Variants in MTFR2 observed in about 807,000 individuals in gnomAD.
The protein encoded by MTFR2 is mitochondrial fission regulator 2, also known as DUF729 domain-containing protein 1.
In MTFR2, 44 loss-of-function variants were observed where a neutral mutation model predicts 41.2. The observed-to-expected ratio is 1.07, with a 90% confidence interval of 0.84 to 1.37. MTFR2 has a LOEUF of 1.37. Among genes scored for constraint, MTFR2 ranks in the 40% most tolerant of loss-of-function variants. MTFR2 has a pLI of 0.00. For synonymous variants in MTFR2, 141 were observed against 154.6 expected, an observed-to-expected ratio of 0.91 and a Z score of 0.65; for missense variants, 452 against 459.5, an observed-to-expected ratio of 0.98 and a Z score of 0.15.
intron 6 of MTFR2, 77 bp downstream of exon 6, chr6:136,239,389 T>C (rs1779987738): frequency 8.8e-7 from 1 of 1,130,812 alleles, no homozygotes; most frequent in Non-Finnish European, 1.2e-6. Context: ...TATATGTTAA[T>C]TTTCATAAAC....
At chr6:136,243,965 T>A (rs781340495) in intron 3 of MTFR2, among the ~76,000 whole-genome samples, 102 of 152,038 alleles carry the variant, frequency 6.7e-4, no homozygotes, top group Non-Finnish European at 1.2e-3. Flanking sequence ...ATAAAAAATT[T>A]AAAAATTTTT....
intron 5 of MTFR2, among the ~76,000 whole-genome samples, chr6:136,240,877 G>A (rs1263517343): frequency 2.0e-5 from 3 of 152,140 alleles, no homozygotes; most frequent in Non-Finnish European, 4.4e-5. Flanking sequence ...AGATCACGAG[G>A]TCAGGAGATC....
chr6:136,231,133 A>G lies in MTFR2; in HGVS notation c.*142T>C, dbSNP rs369732599. The G allele has an allele frequency of 1.4e-5, 8 of 586,418 alleles. No individual in the cohort carries two copies. Among genetic ancestry groups the G allele is most frequent in the African/African-American group, 7.5e-5 (4 of 53,170 alleles). 36.3% of individuals were successfully genotyped at this position (586,418 alleles called of 1,614,324 possible). On this transcript the variant is annotated 3_prime_UTR_variant, in exon 8 of 8. Coordinates refer to ENST00000420702, the MANE Select transcript of MTFR2 (RefSeq NM_001099286.3). ...AAAAATGACAGGCATACATATTTAC[A>G]TAGCAAGTGTAGGCAAAATGTGTCA...
In MTFR2 at chr6:136,231,382, G is replaced by A; in HGVS notation, c.1051C>T (p.His351Tyr). Reference protein sequence around the residue: ...FSSPETSRFGHHISQSEGQRT... With the variant: ...FSSPETSRFGYHISQSEGQRT... ...TGTCCTTCTGACTGTGAAATGTGAT[G>A]TCCAAACTGAAATAAAGCAAATATT... The change falls in exon 8 of 8, where the codon CAT (histidine) becomes TAT (tyrosine). Residue 351 changes from histidine (H) to tyrosine (Y), a missense_variant. His to Tyr is a moderately conservative substitution (Grantham distance 83, BLOSUM62 2). Transcript: ENST00000420702. 1 of 1,594,100 alleles carries A rather than the reference G, an allele frequency of 6.3e-7. No individual in the cohort carries two copies. The highest frequency in any genetic ancestry group is 8.6e-7 in the Non-Finnish European group (1 of 1,167,672).
At chr6:136,247,906 C>T (rs1272695394) in intron 2 of MTFR2, among the ~76,000 whole-genome samples, 1 of 152,126 alleles carries the variant, frequency 6.6e-6, no homozygotes, top group Non-Finnish European at 1.5e-5. Context: ...CTTTTTCTTT[C>T]CTACATACTA....
At chr6:136,233,973 C>T (rs1212607143) in intron 6 of MTFR2, among the ~76,000 whole-genome samples, 1 of 152,080 alleles carries the variant, frequency 6.6e-6, no homozygotes, top group East Asian at 1.9e-4. Context: ...GCTCCCAATT[C>T]TTACAGCAAG....
At chr6:136,236,167 C>T (rs770187023) in intron 6 of MTFR2, among the ~76,000 whole-genome samples, 4 of 152,116 alleles carry the variant, frequency 2.6e-5, no homozygotes, top group Non-Finnish European at 4.4e-5. Context: ...AACAGAACAA[C>T]GGCTGAGAGT....
rs184503104 is a variant in MTFR2 at position 136,244,923 on chromosome 6, A to G, written c.64-54T>C. ...ATGCACTCTGATTAAGCATATTTAT[A>G]TAAGTATGAAAAAAGGAGATGTAAA... On this transcript the variant is annotated intron_variant, in intron 2 of 7. Coordinates refer to ENST00000420702, the MANE Select transcript of MTFR2 (RefSeq NM_001099286.3). The G allele has an allele frequency of 1.1e-4, 145 of 1,322,126 alleles. No homozygotes were observed. The African/African-American group carries it at 2.1e-3, about 19-fold the overall frequency. 81.9% of individuals were successfully genotyped at this position (1,322,126 alleles called of 1,614,324 possible).
chr6:136,243,018 CAGG>C, intron 3 of MTFR2, 45 bp from the exon 4 acceptor site: 1 of 1,297,804 alleles, frequency 7.7e-7, no homozygotes, highest in Non-Finnish European at 1.1e-6. Context: ...TGCAGGGAGT[CAGG>C]AGAAGACACA....
At chr6:136,240,882 G>T (rs7752991) in intron 5 of MTFR2, among the ~76,000 whole-genome samples, 20 of 151,224 alleles carry the variant, frequency 1.3e-4, no homozygotes, top group South Asian at 1.0e-3. Context: ...ACGAGGTCAG[G>T]AGATCGAGAC....
intron 2 of MTFR2, 121 bp from the exon 3 acceptor site, chr6:136,244,990 G>A: frequency 4.7e-5 from 29 of 615,844 alleles, no homozygotes; most frequent in South Asian, 8.6e-5. Context: ...TTTAATACAG[G>A]GAGTCCTGTA....
chr6:136,233,094 A>G, intron 7 of MTFR2: 1 of 366,838 alleles, frequency 2.7e-6, no homozygotes, highest in Non-Finnish European at 5.0e-6. Flanking sequence ...CATATGCACA[A>G]ATATTTTTCA....
Position 136,242,659 on chromosome 6 carries a change from T to G in MTFR2, c.281+202A>C, listed in dbSNP as rs17065401. Among the ~76,000 whole-genome samples, 742 of 152,176 alleles carry G rather than the reference T, an allele frequency of 4.9e-3. 1 individual carries two copies. The highest frequency in any genetic ancestry group is 0.016 in the African/African-American group (653 of 41,508). ...TAACCACTCCCTCCTAGGCCTGGTGTTAGGTTTAAATGTGCACTAAAAAAA... is the reference window on the plus strand; with the variant it reads ...TAACCACTCCCTCCTAGGCCTGGTGGTAGGTTTAAATGTGCACTAAAAAAA... On this transcript the variant is annotated intron_variant, in intron 4 of 7. Coordinates refer to ENST00000420702, the MANE Select transcript of MTFR2 (RefSeq NM_001099286.3).
intron 6 of MTFR2, among the ~76,000 whole-genome samples, chr6:136,236,150 GCAGAACAA>G (rs1198531848): frequency 2.0e-5 from 3 of 152,208 alleles, no homozygotes; most frequent in South Asian, 4.1e-4. Flanking sequence ...AGAAAGGGGA[GCAGAACAA>G]CAGAACAACG....
intron 6 of MTFR2, among the ~76,000 whole-genome samples, chr6:136,238,677 A>ACC (rs897501567): frequency 2.9e-5 from 4 of 139,310 alleles, no homozygotes; most frequent in African/African-American, 1.1e-4. Flanking sequence ...ATGTTTTTTC[A>ACC]CCACACACAC....
chr6:136,247,216 T>C (rs1016425582), intron 2 of MTFR2, among the ~76,000 whole-genome samples: 4 of 152,160 alleles, frequency 2.6e-5, no homozygotes, highest in Admixed American at 2.6e-4. Context: ...TGGGCATTGG[T>C]GGCAGGCTCC....
chr6:136,242,887 A>G lies in MTFR2; in HGVS notation c.255T>C (p.Asp85=), dbSNP rs754407639. 16 of 1,612,998 alleles carry G rather than the reference A, an allele frequency of 9.9e-6. No homozygotes were observed. Among genetic ancestry groups the G allele is most frequent in the Non-Finnish European group, 1.4e-5 (16 of 1,179,752 alleles). Residue 85 remains aspartate, a synonymous_variant, in exon 4 of 8, where the codon GAT becomes GAC. Transcript: ENST00000420702. ...SFADILYVAN[D]EEASYLRFRN... The stretch of plus-strand genomic sequence containing the variant: ...GAAATCTGAGATAACTGGCTTCTTC[A>G]TCATTTGCCACATACAAAATATCAG...
intron 3 of MTFR2, among the ~76,000 whole-genome samples, chr6:136,243,922 G>A (rs1780150301): frequency 6.6e-6 from 1 of 151,844 alleles, no homozygotes; most frequent in African/African-American, 2.4e-5. Context: ...GTGTGTGCTT[G>A]TGTCTTAGTT....
chr6:136,235,889 G>A (rs745422457), intron 6 of MTFR2, among the ~76,000 whole-genome samples: 1 of 151,946 alleles, frequency 6.6e-6, no homozygotes, highest in Non-Finnish European at 1.5e-5. Context: ...CCGAGATCAC[G>A]CCACTGCACT....
Sources: gnomAD v4.1 joint callset for allele counts (sites outside exome capture counted in the v4.1 genomes callset) on GRCh38, gnomAD v4.1.1 for gene constraint, MANE v1.5 for transcripts, NCBI Gene and HGNC (gene_info 2026-07-23, HGNC 2026-07-21) for gene names.